Variants in CAMK2D observed in about 807,000 individuals in gnomAD.
CAMK2D encodes the protein calcium/calmodulin dependent protein kinase II delta.
A neutral mutation model predicts 84.0 loss-of-function variants in CAMK2D; 37 were observed. That is an observed-to-expected ratio of 0.44 (90% CI 0.34 to 0.58). The LOEUF (loss-of-function observed/expected upper bound fraction) is 0.58, where lower values mean the gene tolerates loss of function less well. Among genes scored for constraint, CAMK2D ranks in the 20% least tolerant of loss-of-function variants. The pLI is 0.02. For synonymous variants in CAMK2D, 202 were observed against 212.5 expected (o/e 0.95, Z 0.43); for missense variants, 448 against 652.5 (o/e 0.69, Z 3.41).
chr4:113,508,329 G>GT, intron 13 of CAMK2D: 6 of 1,193,170 alleles, frequency 5.0e-6, no homozygotes, highest in Non-Finnish European at 7.3e-6. Context: ...TGAATTTAGA[G>GT]TATCAAAGCA....
chr4:113,515,769 C>G (rs2098276060), intron 9 of CAMK2D, among the ~76,000 whole-genome samples: 1 of 152,200 alleles, frequency 6.6e-6, no homozygotes, highest in Admixed American at 6.5e-5. Context: ...ACAGGAGCTT[C>G]AGCAAGATTT....
At chr4:113,760,895 T>G (rs981930988) in intron 1 of CAMK2D, 109 bp downstream of exon 1, 1 of 1,404,642 alleles carries the variant, frequency 7.1e-7, no homozygotes, top group Non-Finnish European at 1.0e-6. Flanking sequence ...CCTCCTCCCA[T>G]TCCTCTCCCA....
intron 3 of CAMK2D, among the ~76,000 whole-genome samples, chr4:113,630,037 T>C (rs1351418039): frequency 1.3e-5 from 2 of 152,114 alleles, no homozygotes; most frequent in African/African-American, 4.8e-5. Flanking sequence ...AAATGCAACA[T>C]TTTACTTAGG....
chr4:113,489,902 G>A (rs2097808537), intron 16 of CAMK2D, among the ~76,000 whole-genome samples: 1 of 145,788 alleles, frequency 6.9e-6, no homozygotes, highest in Admixed American at 6.9e-5. Flanking sequence ...GTGATGATGA[G>A]CATTTTTTCA....
At chr4:113,674,403 GCAT>G (rs1207133669) in intron 2 of CAMK2D, among the ~76,000 whole-genome samples, 5 of 152,134 alleles carry the variant, frequency 3.3e-5, no homozygotes, top group African/African-American at 1.2e-4. Flanking sequence ...GGTAAGTACT[GCAT>G]CATTTAGAAC....
chr4:113,501,252 T>C (rs1210762554), intron 15 of CAMK2D, among the ~76,000 whole-genome samples: 1 of 144,826 alleles, frequency 6.9e-6, no homozygotes, highest in Non-Finnish European at 1.5e-5. Context: ...TGGAAGATTG[T>C]TAAGCACACT....
intron 16 of CAMK2D, among the ~76,000 whole-genome samples, chr4:113,487,843 T>TGTATC (rs1254159993): frequency 2.0e-5 from 3 of 152,002 alleles, no homozygotes; most frequent in Non-Finnish European, 4.4e-5. Context: ...TAATATGTAT[T>TGTATC]AGAATGTATC....
chr4:113,591,823 T>A (rs994830754), intron 4 of CAMK2D, among the ~76,000 whole-genome samples: 7 of 152,180 alleles, frequency 4.6e-5, no homozygotes, highest in South Asian at 4.1e-4. Context: ...AATCTGTGAC[T>A]AAGTAAATTC....
chr4:113,606,819 A>G (rs1447527603), intron 4 of CAMK2D, among the ~76,000 whole-genome samples: 1 of 152,198 alleles, frequency 6.6e-6, no homozygotes, highest in Non-Finnish European at 1.5e-5. Context: ...AATCCAAGCC[A>G]AGCAAGATAC....
chr4:113,471,191 A>G (rs1339369948), intron 16 of CAMK2D, among the ~76,000 whole-genome samples: 2 of 152,090 alleles, frequency 1.3e-5, no homozygotes, highest in Non-Finnish European at 2.9e-5. Flanking sequence ...TTTCTTCTGG[A>G]TTCAATTCTT....
At chr4:113,604,316 C>T (rs1338034911) in intron 4 of CAMK2D, among the ~76,000 whole-genome samples, 1 of 152,076 alleles carries the variant, frequency 6.6e-6, no homozygotes, top group Non-Finnish European at 1.5e-5. Context: ...GCTTACTTTT[C>T]CTTTTCATAG....
In CAMK2D at chr4:113,487,832, A is replaced by C. The variant is rs142873444; in HGVS notation, c.1135+12631T>G. 3.7e-3 allele frequency among the ~76,000 whole-genome samples: 564 copies of C among 152,104 alleles called. 4 individuals carry two copies. The highest frequency in any genetic ancestry group is 0.013 in the African/African-American group (543 of 41,546). ...ATTATTAACATCTAATTGTTTTATA[A>C]TAATATGTATTAGAATGTATCATTT... On this transcript the variant is annotated intron_variant, in intron 16 of 20. Coordinates refer to ENST00000511664, the MANE Select transcript of CAMK2D (RefSeq NM_001321571.2).
At chr4:113,677,851 T>C (rs2099325184) in intron 2 of CAMK2D, among the ~76,000 whole-genome samples, 2 of 151,852 alleles carry the variant, frequency 1.3e-5, no homozygotes, top group Non-Finnish European at 2.9e-5. Context: ...AGAATACATA[T>C]AAATCTAAAG....
Position 113,488,372 on chromosome 4 carries a change from T to C in CAMK2D, c.1135+12091A>G, listed in dbSNP as rs184978769. ...TATCTATGAATAGTTAACCCATTTA[T>C]GCTGGAGGTTGCAATTTTTTGAATT... On this transcript the variant is annotated intron_variant, in intron 16 of 20. Coordinates refer to ENST00000511664, the MANE Select transcript of CAMK2D (RefSeq NM_001321571.2). 2.8e-3 allele frequency among the ~76,000 whole-genome samples: 423 copies of C among 152,350 alleles called. 4 individuals are homozygous for C. Among genetic ancestry groups the C allele is most frequent in the Non-Finnish European group, 4.7e-3 (318 of 68,016 alleles).
chr4:113,520,949 AG>A (rs2154173421), intron 8 of CAMK2D, among the ~76,000 whole-genome samples: 1 of 151,908 alleles, frequency 6.6e-6, no homozygotes, highest in Admixed American at 6.6e-5. Context: ...AGATCACTTG[AG>A]CCCAGGAGTT....
chr4:113,588,235 C>T (rs1454092890), intron 4 of CAMK2D, among the ~76,000 whole-genome samples: 1 of 152,100 alleles, frequency 6.6e-6, no homozygotes, highest in East Asian at 1.9e-4. Flanking sequence ...TAGTATCAGG[C>T]TCCCCGGGTA....
chr4:113,483,487 C>T (rs146357250), intron 16 of CAMK2D, among the ~76,000 whole-genome samples: 2,464 of 151,842 alleles, frequency 0.016, 55 homozygotes, highest in African/African-American at 0.055. Flanking sequence ...CTCACTTCAA[C>T]CTCCGCCTCC....
chr4:113,725,667 A>G (rs949703401), intron 2 of CAMK2D, among the ~76,000 whole-genome samples: 4 of 152,080 alleles, frequency 2.6e-5, no homozygotes, highest in African/African-American at 9.7e-5. Flanking sequence ...AACAAACCTA[A>G]CACTAAATTA....
chr4:113,507,105 C>T (rs915093550), intron 13 of CAMK2D, among the ~76,000 whole-genome samples: 11 of 152,076 alleles, frequency 7.2e-5, no homozygotes, highest in Admixed American at 3.9e-4. Context: ...TAAAGACTAA[C>T]TAAATGATTT....
Sources: allele counts gnomAD v4.1 joint callset (sites outside exome capture counted in the v4.1 genomes callset), GRCh38; gene constraint gnomAD v4.1.1; transcripts MANE v1.5; gene names NCBI Gene and HGNC (gene_info 2026-07-23, HGNC 2026-07-21).